The following TANGO2 variants were observed in gnomAD, a reference collection of about 807,000 sequenced individuals.
The protein encoded by TANGO2 is transport and Golgi organization protein 2 homolog.
Under a neutral mutation model 39.1 loss-of-function variants are expected in TANGO2, and 26 were observed. The observed-to-expected ratio is 0.67, with a 90% confidence interval of 0.49 to 0.92. The LOEUF (loss-of-function observed/expected upper bound fraction) is 0.92, where lower values mean the gene tolerates loss of function less well. Among genes scored for constraint, TANGO2 ranks in the 40% least tolerant of loss-of-function variants. TANGO2 has a pLI of 0.00. For missense variants in TANGO2, 326 were observed against 360.1 expected (o/e 0.91, Z 0.77); for synonymous variants, 131 against 144.5 (o/e 0.91, Z 0.67).
At chr22:20,031,449 G>T (rs1321165461) in intron 1 of TANGO2, among the ~76,000 whole-genome samples, 1 of 152,194 alleles carries the variant, frequency 6.6e-6, no homozygotes, top group Non-Finnish European at 1.5e-5. Context: ...TGCTGGTGTC[G>T]TAGGTCGGTG....
chr22:20,025,668 C>T (rs1363775694), intron 1 of TANGO2, among the ~76,000 whole-genome samples: 1 of 152,230 alleles, frequency 6.6e-6, no homozygotes, highest in African/African-American at 2.4e-5. Flanking sequence ...GTGCTATCTT[C>T]TGGCTGAGAC....
intron 1 of TANGO2, among the ~76,000 whole-genome samples, chr22:20,026,509 G>C (rs9606211): frequency 0.38 from 58,534 of 152,152 alleles, 11,724 homozygotes; most frequent in African/African-American, 0.5. Flanking sequence ...CATGACTGCT[G>C]TACAGTAATG....
intron 2 of TANGO2, among the ~76,000 whole-genome samples, chr22:20,041,821 G>A (rs1464056923): frequency 6.6e-6 from 1 of 152,164 alleles, no homozygotes; most frequent in African/African-American, 2.4e-5. Context: ...GTTGTTTTAT[G>A]AAATTGATGT....
At chr22:20,024,967 C>A (rs945620970) in intron 1 of TANGO2, among the ~76,000 whole-genome samples, 7 of 151,986 alleles carry the variant, frequency 4.6e-5, no homozygotes, top group African/African-American at 1.7e-4. Flanking sequence ...ACAAGTGACT[C>A]TTGGGTTCTT....
intron 1 of TANGO2, among the ~76,000 whole-genome samples, chr22:20,022,940 G>A (rs2039998731): frequency 6.6e-6 from 1 of 152,228 alleles, no homozygotes; most frequent in African/African-American, 2.4e-5. Flanking sequence ...CAGCAGCATG[G>A]CAGAGCCTGG....
intron 6 of TANGO2, chr22:20,061,305 C>T: frequency 2.1e-6 from 1 of 485,508 alleles, no homozygotes; most frequent in Non-Finnish European, 3.6e-6. Context: ...TTGTGGTCTC[C>T]TGTGGGTGCC....
intron 8 of TANGO2, 109 bp downstream of exon 8, chr22:20,063,551 G>A (rs984107158): frequency 8.7e-5 from 85 of 972,982 alleles, no homozygotes; most frequent in East Asian, 1.3e-4. Flanking sequence ...CTTCTTCCTC[G>A]CCTGAGTGGA....
chr22:20,060,898 C>T (rs570614974), intron 6 of TANGO2, among the ~76,000 whole-genome samples: 1 of 152,302 alleles, frequency 6.6e-6, no homozygotes, highest in South Asian at 2.1e-4. Context: ...ACCTCAAGTC[C>T]CTGCCCTTCA....
intron 2 of TANGO2, among the ~76,000 whole-genome samples, chr22:20,037,574 CA>C (rs1325632698): frequency 1.3e-5 from 2 of 152,204 alleles, no homozygotes; most frequent in African/African-American, 4.8e-5. Flanking sequence ...TGCAAAGTTG[CA>C]TAGACACCAT....
At position 20,065,803 on chromosome 22, in the gene TANGO2, C is replaced by G. The variant is rs2049132162; in HGVS notation, c.*1141C>G. The G allele has an allele frequency of 6.6e-6, 1 of 152,384 alleles. No homozygotes were observed. The highest frequency in any genetic ancestry group is 6.5e-5 in the Admixed American group (1 of 15,290). The allele number at this position is 152,384 out of a possible 1,614,324, so 9.4% of individuals were successfully genotyped here. A position where few individuals can be genotyped will look rare whatever the true frequency, so the allele number is the denominator to read the frequency against. On this transcript the variant is annotated 3_prime_UTR_variant, in exon 9 of 9. Coordinates refer to ENST00000327374, the MANE Select transcript of TANGO2 (RefSeq NM_152906.7). ...GCTTACCCAGCTGGAGACCATGCCT[C>G]TGGCAGCCCCATCTCAGCCAGCCCT...
intron 5 of TANGO2, chr22:20,053,901 A>T (rs1367236884): frequency 2.7e-6 from 1 of 368,024 alleles, no homozygotes; most frequent in Non-Finnish European, 5.4e-6. Flanking sequence ...AGTGACTGGG[A>T]TGCTGTGCTC....
At chr22:20,047,232 GTT>G (rs113268323) in intron 3 of TANGO2, among the ~76,000 whole-genome samples, 10 of 132,314 alleles carry the variant, frequency 7.6e-5, no homozygotes, top group African/African-American at 1.1e-4. Context: ...TGGTTTGTTT[GTT>G]TTTTTTTTTT....
intron 1 of TANGO2, among the ~76,000 whole-genome samples, chr22:20,026,686 A>C (rs2040832005): frequency 6.6e-6 from 1 of 152,272 alleles, no homozygotes; most frequent in Non-Finnish European, 1.5e-5. Flanking sequence ...AAGGCCTAGC[A>C]GTCAGTACCC....
intron 1 of TANGO2, among the ~76,000 whole-genome samples, chr22:20,034,915 A>G (rs971735847): frequency 7.2e-5 from 11 of 152,332 alleles, no homozygotes; most frequent in African/African-American, 2.4e-4. Flanking sequence ...GCTCCTGGCA[A>G]TTTTTAAGAT....
rs575681038 is a variant in TANGO2, at chr22:20,063,226, G to T, written c.606-112G>T. On this transcript the variant is annotated intron_variant, in intron 7 of 8. Transcript: ENST00000327374. ...AAGAAGAAAAGAAACAACCCTTGCA[G>T]TTCCCCGGCCACTCCCCAGAGCCAG... 13 of 765,632 alleles carry T rather than the reference G, an allele frequency of 1.7e-5. No individual in the cohort carries two copies. The Admixed American group carries it at 3.1e-4, about 18-fold the overall frequency. The allele number at this position is 765,632 out of a possible 1,614,324, so 47.4% of individuals were successfully genotyped here. A position where few individuals can be genotyped will look rare whatever the true frequency, so the allele number is the denominator to read the frequency against.
At position 20,064,858 on chromosome 22, in the gene TANGO2, G is replaced by A. The variant is rs1266587760; in HGVS notation, c.*196G>A. 4 of 669,410 alleles carry A rather than the reference G, an allele frequency of 6.0e-6. No individual in the cohort carries two copies. Among genetic ancestry groups the A allele is most frequent in the Non-Finnish European group, 7.4e-6 (3 of 406,748 alleles). 41.5% of individuals were successfully genotyped at this position (669,410 alleles called of 1,614,324 possible). Reference sequence around the variant, plus strand: ...GTTCAGGGTCTGCCTTTATGCCAGTGAGGAGCAGCAGAGTCTGATACTAGG... The same window carrying A: ...GTTCAGGGTCTGCCTTTATGCCAGTAAGGAGCAGCAGAGTCTGATACTAGG... On this transcript the variant is annotated 3_prime_UTR_variant, in exon 9 of 9. Transcript: ENST00000327374.
chr22:20,057,709 G>T lies in TANGO2; in HGVS notation c.451+1696G>T, dbSNP rs990036185. Among the ~76,000 whole-genome samples the T allele has an allele frequency of 6.6e-6, 1 of 152,236 alleles. No homozygotes were observed. The highest frequency in any genetic ancestry group is 1.5e-5 in the Non-Finnish European group (1 of 68,030). On this transcript the variant is annotated intron_variant, in intron 6 of 8. Transcript: ENST00000327374. This position sits in a 1 kb window ranked among gnomAD's most constrained non-coding sequence, Gnocchi z 4.1. The stretch of plus-strand genomic sequence containing the variant: ...AGAACCTCCGCATCAGTTGAGGGTC[G>T]TGGGGTTGGAATGTGTGGCGAAGTA...
intron 1 of TANGO2, among the ~76,000 whole-genome samples, chr22:20,028,048 C>G (rs568767591): frequency 6.6e-6 from 1 of 152,200 alleles, no homozygotes; most frequent in Non-Finnish European, 1.5e-5. Flanking sequence ...ATCTGCCCGC[C>G]TCAGCCTCCC....
At chr22:20,049,367 G>A (rs996115759) in intron 3 of TANGO2, among the ~76,000 whole-genome samples, 1 of 152,082 alleles carries the variant, frequency 6.6e-6, no homozygotes, top group Admixed American at 6.6e-5. Flanking sequence ...TTTTTAGTAA[G>A]TCTTGAAATC....
Sources: gnomAD v4.1 joint callset for allele counts (sites outside exome capture counted in the v4.1 genomes callset) on GRCh38, gnomAD v4.1.1 for gene constraint, Gnocchi (gnomAD v3.1) non-coding constraint, MANE v1.5 for transcripts, NCBI Gene and HGNC (gene_info 2026-07-23, HGNC 2026-07-21) for gene names.